Variants in ROBO2 observed in about 807,000 individuals in gnomAD.
ROBO2 encodes the protein roundabout guidance receptor 2, also known as roundabout homolog 2.
ROBO2 carries 53 observed loss-of-function variants against 160.8 expected under a neutral mutation model. That is an observed-to-expected ratio of 0.33 (90% CI 0.26 to 0.41). The LOEUF (loss-of-function observed/expected upper bound fraction) is 0.41. Among genes scored for constraint, ROBO2 ranks in the 10% least tolerant of loss-of-function variants. The pLI is 1.00. For missense variants in ROBO2, 1,577 were observed against 1,722.4 expected (o/e 0.92, Z 1.49); for synonymous variants, 664 against 611.7 (o/e 1.09, Z -1.26).
chr3:75,920,302 G>C (rs1946981755), intron 1 of ROBO2, among the ~76,000 whole-genome samples: 1 of 152,192 alleles, frequency 6.6e-6, no homozygotes. Flanking sequence ...TAGTCAGTCA[G>C]AAGCAGGTTG....
chr3:76,799,583 A>G (rs1334573142), intron 2 of ROBO2, among the ~76,000 whole-genome samples: 1 of 152,034 alleles, frequency 6.6e-6, no homozygotes, highest in Admixed American at 6.6e-5. Context: ...GTTAACAGGG[A>G]ATAATCTGAA....
intron 2 of ROBO2, among the ~76,000 whole-genome samples, chr3:76,859,382 C>T (rs998681804): frequency 6.6e-6 from 1 of 152,110 alleles, no homozygotes; most frequent in Non-Finnish European, 1.5e-5. Flanking sequence ...GAACAGCTCA[C>T]ATAGGATGGC....
At chr3:77,113,586 ATC>A (rs2073900481) in intron 2 of ROBO2, among the ~76,000 whole-genome samples, 1 of 152,212 alleles carries the variant, frequency 6.6e-6, no homozygotes, top group Non-Finnish European at 1.5e-5. Flanking sequence ...ATATGCTAGA[ATC>A]TCTCTTTGTA....
intron 2 of ROBO2, among the ~76,000 whole-genome samples, chr3:76,925,868 G>A (rs986603682): frequency 2.0e-5 from 3 of 152,114 alleles, no homozygotes; most frequent in African/African-American, 2.4e-5. Context: ...CACTCCTATG[G>A]ATAAAGCCAG....
At chr3:76,386,733 T>C (rs947025026) in intron 2 of ROBO2, among the ~76,000 whole-genome samples, 3 of 152,088 alleles carry the variant, frequency 2.0e-5, no homozygotes, top group African/African-American at 7.2e-5. Context: ...AGGTTTATGA[T>C]GATTCTGTTA....
At chr3:76,977,402 T>A (rs1463325696) in intron 2 of ROBO2, among the ~76,000 whole-genome samples, 1 of 152,208 alleles carries the variant, frequency 6.6e-6, no homozygotes, top group Non-Finnish European at 1.5e-5. Flanking sequence ...TAAAAGGTTA[T>A]AAATAAATTT....
chr3:77,625,047 AT>A (rs1054880321), intron 23 of ROBO2, among the ~76,000 whole-genome samples: 1 of 152,124 alleles, frequency 6.6e-6, no homozygotes, highest in Non-Finnish European at 1.5e-5. Context: ...GACAGAGCCC[AT>A]TTTTTTGTAA....
intron 2 of ROBO2, among the ~76,000 whole-genome samples, chr3:77,447,809 G>A (rs896141891): frequency 3.9e-5 from 6 of 152,044 alleles, no homozygotes; most frequent in African/African-American, 7.2e-5. Flanking sequence ...AAACCTTCAT[G>A]TTTGGTTGTC....
chr3:77,210,671 T>C (rs1308010697), intron 2 of ROBO2, among the ~76,000 whole-genome samples: 3 of 152,168 alleles, frequency 2.0e-5, no homozygotes, highest in African/African-American at 7.2e-5. Flanking sequence ...ATGTGCCATG[T>C]TGGTGTGCTG....
At chr3:76,970,145 G>C (rs1478709839) in intron 2 of ROBO2, among the ~76,000 whole-genome samples, 2 of 152,100 alleles carry the variant, frequency 1.3e-5, no homozygotes, top group East Asian at 3.9e-4. Context: ...TACAATTTCT[G>C]CTGTGACTGG....
At chr3:76,938,629 A>C (rs915238626) in intron 2 of ROBO2, among the ~76,000 whole-genome samples, 1 of 152,066 alleles carries the variant, frequency 6.6e-6, no homozygotes, top group Non-Finnish European at 1.5e-5. Flanking sequence ...GGTCTTGTTC[A>C]GAAAGGTTGG....
chr3:76,619,289 G>A (rs1308675515), intron 2 of ROBO2, among the ~76,000 whole-genome samples: 1 of 149,940 alleles, frequency 6.7e-6, no homozygotes, highest in Non-Finnish European at 1.5e-5. Context: ...GCAGTGAGCC[G>A]AGATCGCGCC....
At chr3:76,211,593 T>C (rs1186908958) in intron 2 of ROBO2, among the ~76,000 whole-genome samples, 1 of 152,120 alleles carries the variant, frequency 6.6e-6, no homozygotes, top group East Asian at 1.9e-4. Flanking sequence ...TTTAGCATCA[T>C]AGAAGACAAA....
chr3:76,983,330 A>G (rs945995873), intron 2 of ROBO2, among the ~76,000 whole-genome samples: 3 of 152,220 alleles, frequency 2.0e-5, no homozygotes, highest in East Asian at 3.8e-4. Flanking sequence ...TTTAGAAAAG[A>G]AAATAAGCAC....
At chr3:77,134,654 C>G (rs764724326) in intron 2 of ROBO2, among the ~76,000 whole-genome samples, 2 of 152,122 alleles carry the variant, frequency 1.3e-5, no homozygotes, top group Admixed American at 6.5e-5. Context: ...CTTCTGAAAC[C>G]CTTTCAGCAC....
chr3:77,003,759 A>G (rs1235565043), intron 2 of ROBO2, among the ~76,000 whole-genome samples: 2 of 152,102 alleles, frequency 1.3e-5, no homozygotes, highest in Admixed American at 1.3e-4. Context: ...CATGTTGACC[A>G]GGCTGGTCTC....
intron 2 of ROBO2, among the ~76,000 whole-genome samples, chr3:77,359,836 A>G (rs2069668682): frequency 6.6e-6 from 1 of 151,588 alleles, no homozygotes; most frequent in African/African-American, 2.4e-5. Flanking sequence ...ATGCCACCAC[A>G]CTCACCAAAT....
intron 2 of ROBO2, among the ~76,000 whole-genome samples, chr3:76,532,046 A>G (rs896018016): frequency 1.3e-5 from 2 of 152,176 alleles, no homozygotes; most frequent in African/African-American, 4.8e-5. Context: ...AGTAGAAGGT[A>G]CTGTTTCCTC....
At chr3:77,099,501 A>G (rs2071607138) in intron 2 of ROBO2, among the ~76,000 whole-genome samples, 1 of 152,212 alleles carries the variant, frequency 6.6e-6, no homozygotes. Flanking sequence ...AGCTATGAGC[A>G]GTAGGACTTT....
Sources: gnomAD v4.1 joint callset for allele counts (sites outside exome capture counted in the v4.1 genomes callset) on GRCh38, gnomAD v4.1.1 for gene constraint, MANE v1.5 for transcripts, NCBI Gene and HGNC (gene_info 2026-07-23, HGNC 2026-07-21) for gene names.